Variants in TXNL4A observed in about 807,000 individuals in gnomAD.
TXNL4A encodes thioredoxin like 4A.
In TXNL4A, 17 loss-of-function variants were observed where a neutral mutation model predicts 14.6. That is an observed-to-expected ratio of 1.16 (90% CI 0.80 to 1.74). The LOEUF (loss-of-function observed/expected upper bound fraction) is 1.74, where lower values mean the gene tolerates loss of function less well. TXNL4A is among the 40% of genes most tolerant of loss of function. The probability of loss-of-function intolerance (pLI) is 0.00; values close to 1 mark genes in which losing one functional copy is unlikely to be tolerated. For missense variants in TXNL4A, 74 were observed against 195.2 expected, an observed-to-expected ratio of 0.38 and a Z score of 3.70; for synonymous variants, 83 against 70.6, an observed-to-expected ratio of 1.18 and a Z score of -0.88.
chr18:79,984,590 A>C (rs1434240686), intron 1 of TXNL4A, among the ~76,000 whole-genome samples: 1 of 152,194 alleles, frequency 6.6e-6, no homozygotes, highest in Non-Finnish European at 1.5e-5. Context: ...ATGTACTATC[A>C]TGAGTCAATA....
At chr18:80,033,044 G>A (rs2051933993) in intron 1 of TXNL4A, among the ~76,000 whole-genome samples, 2 of 132,100 alleles carry the variant, frequency 1.5e-5, no homozygotes, top group Non-Finnish European at 3.3e-5. Flanking sequence ...TAAATCTGGG[G>A]CCCTCAAAAT....
Position 79,982,618 on chromosome 18 carries a change from G to A in TXNL4A, c.154-4917C>T, listed in dbSNP as rs1247145861. Among the ~76,000 whole-genome samples, 1 of 152,166 alleles carries A rather than the reference G, an allele frequency of 6.6e-6. No individual in the cohort carries two copies. Among genetic ancestry groups the A allele is most frequent in the Non-Finnish European group, 1.5e-5 (1 of 68,040 alleles). On this transcript the variant is annotated intron_variant, in intron 1 of 2. Transcript: ENST00000269601. The surrounding 1 kb of genome is among the most constrained non-coding windows in gnomAD (Gnocchi z 4.0). ...GAGCTGTGCCGAGTGCCCCAGAGAG[G>A]TTACCAGAAAGGACGATATGGGAAC...
intron 1 of TXNL4A, among the ~76,000 whole-genome samples, chr18:79,980,237 A>G (rs2051442744): frequency 6.6e-6 from 1 of 152,250 alleles, no homozygotes; most frequent in African/African-American, 2.4e-5. Flanking sequence ...GAGAGAGCCC[A>G]GCCTGGAAAA....
chr18:79,996,118 A>C (rs982577813), intron 1 of TXNL4A, among the ~76,000 whole-genome samples: 1 of 150,830 alleles, frequency 6.6e-6, no homozygotes, highest in South Asian at 2.1e-4. Flanking sequence ...AAAAAAAAAA[A>C]AAAAAAAAAC....
intron 1 of TXNL4A, 69 bp from the exon 2 acceptor site, chr18:79,977,770 T>C: frequency 1.9e-6 from 2 of 1,076,054 alleles, no homozygotes; most frequent in South Asian, 1.4e-5. Flanking sequence ...AGAAGCACAT[T>C]TATAAAAACA....
intron 1 of TXNL4A, chr18:79,995,355 C>A (rs1053000124): frequency 1.3e-5 from 2 of 152,194 alleles, no homozygotes; most frequent in Non-Finnish European, 2.9e-5. Context: ...CAGAGATGCT[C>A]GTGAACGATG....
At chr18:80,026,741 A>G (rs76795425) in intron 1 of TXNL4A, among the ~76,000 whole-genome samples, 6 of 45,588 alleles carry the variant, frequency 1.3e-4, no homozygotes, top group African/African-American at 3.6e-4. Context: ...CAGGTCCCAC[A>G]TGTCTCTTAT....
chr18:79,996,474 A>G (rs1317814767), intron 1 of TXNL4A, among the ~76,000 whole-genome samples: 1 of 152,194 alleles, frequency 6.6e-6, no homozygotes, highest in East Asian at 1.9e-4. Flanking sequence ...ATGCCCCGCC[A>G]TGGGCTCTAA....
In TXNL4A at chr18:79,977,627, G is replaced by A. The variant is rs201489532; in HGVS notation, c.228C>T (p.Tyr76=). ...VPDFNKMYEL[Y]DPCTVMFFFR... Reference sequence around the variant, plus strand: ...AGAAAAACATGACAGTACATGGATCGTATAACTCATACATTTTGTTGAAGT... The same window carrying A: ...AGAAAAACATGACAGTACATGGATCATATAACTCATACATTTTGTTGAAGT... Residue 76 remains tyrosine, a synonymous_variant, in exon 2 of 3, where the codon TAC becomes TAT. Transcript: ENST00000269601. 6.5e-5 allele frequency: 105 copies of A among 1,610,504 alleles called. No homozygotes were observed. The highest frequency in any genetic ancestry group is 1.9e-4 in the South Asian group (17 of 90,098).
intron 1 of TXNL4A, among the ~76,000 whole-genome samples, chr18:80,020,768 C>CA (rs2051843548): frequency 6.6e-6 from 1 of 152,248 alleles, no homozygotes; most frequent in South Asian, 2.1e-4. Flanking sequence ...TTACTGTACC[C>CA]AGGTATTTAC....
intron 1 of TXNL4A, among the ~76,000 whole-genome samples, chr18:80,000,820 A>G (rs543639095): frequency 6.6e-6 from 1 of 152,080 alleles, no homozygotes; most frequent in South Asian, 2.1e-4. Context: ...CTCCCAGCTA[A>G]TTTTTGTATT....
At chr18:79,976,966 A>AT (rs11328079) in intron 2 of TXNL4A, among the ~76,000 whole-genome samples, 2 of 150,800 alleles carry the variant, frequency 1.3e-5, no homozygotes, top group African/African-American at 4.9e-5. Flanking sequence ...TAGGTTTTTG[A>AT]TTTTTTTTTT....
intron 1 of TXNL4A, chr18:80,033,753 C>G (rs1160961633): frequency 6.5e-6 from 1 of 153,908 alleles, no homozygotes; most frequent in Admixed American, 6.5e-5. Flanking sequence ...CTCCGCGCAG[C>G]CCACGCGGCC....
chr18:80,024,248 A>C (rs1599756456), intron 1 of TXNL4A, among the ~76,000 whole-genome samples: 1 of 151,362 alleles, frequency 6.6e-6, no homozygotes, highest in Non-Finnish European at 1.5e-5. Context: ...ATGGAAGGTG[A>C]GTTTGTCTGT....
chr18:79,977,120 C>T (rs1269649425), intron 2 of TXNL4A, among the ~76,000 whole-genome samples: 3 of 152,096 alleles, frequency 2.0e-5, no homozygotes, highest in East Asian at 3.9e-4. Flanking sequence ...CCACCACGCC[C>T]GGCTAATTTT....
chr18:80,018,816 T>C (rs4799122), intron 1 of TXNL4A, among the ~76,000 whole-genome samples: 115,749 of 152,136 alleles, frequency 0.76, 44,791 homozygotes, highest in East Asian at 0.91. Context: ...AAATTTCTTC[T>C]GCCAGATACC....
intron 1 of TXNL4A, chr18:79,986,748 C>A (rs562322134): frequency 1.0e-6 from 1 of 985,500 alleles, no homozygotes; most frequent in Admixed American, 6.1e-5. Context: ...TTTATGCCAC[C>A]ACCTGCAATG....
intron 1 of TXNL4A, among the ~76,000 whole-genome samples, chr18:80,007,609 A>C (rs2051740468): frequency 6.6e-6 from 1 of 151,048 alleles, no homozygotes; most frequent in African/African-American, 2.4e-5. Flanking sequence ...TTTTTTTTTT[A>C]ATCAGGTACT....
At chr18:80,008,083 T>C (rs1487648057) in intron 1 of TXNL4A, among the ~76,000 whole-genome samples, 3 of 151,776 alleles carry the variant, frequency 2.0e-5, no homozygotes, top group African/African-American at 2.4e-5. Context: ...ACCCAGGAGG[T>C]CTGGGTTGTA....
Sources: allele counts gnomAD v4.1 joint callset (sites outside exome capture counted in the v4.1 genomes callset), GRCh38; gene constraint gnomAD v4.1.1; non-coding constraint Gnocchi (gnomAD v3.1); transcripts MANE v1.5; gene names NCBI Gene and HGNC (gene_info 2026-07-23, HGNC 2026-07-21).